AK5: variants seen among roughly 807,000 people sequenced by gnomAD.
The protein encoded by AK5 is adenylate kinase 5, also known as adenylate kinase isoenzyme 5.
AK5 carries 27 observed loss-of-function variants against 69.5 expected under a neutral mutation model. That is an observed-to-expected ratio of 0.39 (90% CI 0.29 to 0.54). AK5 has a LOEUF of 0.54. Ranked by LOEUF, AK5 falls within the 20% of genes least tolerant of loss-of-function variation. The probability of loss-of-function intolerance (pLI) is 0.71; values close to 1 mark genes in which losing one functional copy is unlikely to be tolerated. For missense variants in AK5, 531 were observed against 700.4 expected (o/e 0.76, Z 2.73); for synonymous variants, 260 against 244.4 (o/e 1.06, Z -0.60).
At chr1:77,344,151 T>C (rs1367549536) in intron 6 of AK5, among the ~76,000 whole-genome samples, 2 of 152,206 alleles carry the variant, frequency 1.3e-5, no homozygotes, top group Non-Finnish European at 2.9e-5. Flanking sequence ...CCAGTTTGAC[T>C]GAAAAGAAAG....
chr1:77,309,960 A>T (rs1659852100), intron 5 of AK5, among the ~76,000 whole-genome samples: 1 of 151,966 alleles, frequency 6.6e-6, no homozygotes, highest in African/African-American at 2.4e-5. Flanking sequence ...GAATTGGTGT[A>T]TTTTTCATTA....
At chr1:77,462,648 T>C (rs796836580) in intron 8 of AK5, among the ~76,000 whole-genome samples, 28 of 152,322 alleles carry the variant, frequency 1.8e-4, no homozygotes, top group African/African-American at 6.7e-4. Flanking sequence ...TTAATACACA[T>C]GCTTTCTCAC....
intron 6 of AK5, among the ~76,000 whole-genome samples, chr1:77,390,407 A>G (rs895001831): frequency 6.6e-5 from 10 of 152,222 alleles, no homozygotes; most frequent in Non-Finnish European, 1.3e-4. Flanking sequence ...TACTGCATAT[A>G]TGTTGGATGG....
At chr1:77,315,625 T>G (rs2100306645) in intron 5 of AK5, among the ~76,000 whole-genome samples, 1 of 152,238 alleles carries the variant, frequency 6.6e-6, no homozygotes, top group Non-Finnish European at 1.5e-5. Context: ...TGGATAGTGA[T>G]ACTTGATTTT....
chr1:77,406,704 G>GAAAAAA (rs752481198), intron 6 of AK5, among the ~76,000 whole-genome samples: 236 of 147,618 alleles, frequency 1.6e-3, no homozygotes, highest in African/African-American at 5.8e-3. Context: ...CTGATGCTGA[G>GAAAAAA]GAAAAAAAAA....
chr1:77,390,116 G>A (rs1207851006), intron 6 of AK5, among the ~76,000 whole-genome samples: 1 of 152,152 alleles, frequency 6.6e-6, no homozygotes, highest in Admixed American at 6.5e-5. Flanking sequence ...TTTGGTGAAG[G>A]ATCACCAGTT....
chr1:77,302,792 C>T (rs140863745), intron 5 of AK5, among the ~76,000 whole-genome samples: 1 of 152,224 alleles, frequency 6.6e-6, no homozygotes, highest in Non-Finnish European at 1.5e-5. Flanking sequence ...TGTTGCTAAA[C>T]GCAGCAAAGA....
At chr1:77,340,249 C>T in intron 5 of AK5, 128 bp from the exon 6 acceptor site, 1 of 859,678 alleles carries the variant, frequency 1.2e-6, no homozygotes, top group Non-Finnish European at 1.8e-6. Flanking sequence ...CCTGGAAATA[C>T]ACTGTCAAAA....
At chr1:77,439,235 G>A (rs577088145) in intron 8 of AK5, among the ~76,000 whole-genome samples, 15 of 152,136 alleles carry the variant, frequency 9.9e-5, no homozygotes, top group Non-Finnish European at 1.5e-4. Context: ...CATATTTAGG[G>A]AGGCAAAGGA....
At chr1:77,292,778 A>C (rs1233214322) in intron 2 of AK5, among the ~76,000 whole-genome samples, 1 of 152,140 alleles carries the variant, frequency 6.6e-6, no homozygotes, top group Non-Finnish European at 1.5e-5. Context: ...TGTCTTTCAA[A>C]GTTCAGGTCC....
intron 10 of AK5, among the ~76,000 whole-genome samples, chr1:77,511,004 T>G (rs1657317153): frequency 6.7e-6 from 1 of 149,420 alleles, no homozygotes; most frequent in African/African-American, 2.4e-5. Flanking sequence ...ATTATATATA[T>G]TTCTATTTTA....
intron 1 of AK5, 22 bp downstream of exon 1, chr1:77,282,395 G>C: frequency 1.3e-6 from 2 of 1,537,328 alleles, no homozygotes; most frequent in Non-Finnish European, 8.8e-7. Context: ...GCTGGCCGAC[G>C]GGCGGTAGCA....
At chr1:77,377,278 T>C (rs986832604) in intron 6 of AK5, among the ~76,000 whole-genome samples, 2 of 152,214 alleles carry the variant, frequency 1.3e-5, no homozygotes, top group African/African-American at 4.8e-5. Context: ...ATTTATAGTT[T>C]CTTCCCATCC....
chr1:77,464,919 T>C (rs1001767507), intron 8 of AK5, among the ~76,000 whole-genome samples: 1 of 152,084 alleles, frequency 6.6e-6, no homozygotes, highest in African/African-American at 2.4e-5. Flanking sequence ...AGAGCGAATA[T>C]CCAGTACCTT....
At chr1:77,450,249 G>A (rs528960020) in intron 8 of AK5, among the ~76,000 whole-genome samples, 1 of 152,184 alleles carries the variant, frequency 6.6e-6, no homozygotes, top group East Asian at 1.9e-4. Flanking sequence ...ACATTTTCCT[G>A]TCTTCTTCTG....
intron 6 of AK5, among the ~76,000 whole-genome samples, chr1:77,371,978 G>A (rs558197973): frequency 6.6e-6 from 1 of 152,198 alleles, no homozygotes; most frequent in Admixed American, 6.5e-5. Context: ...CCATGAAGGT[G>A]TGAGTTCATC....
At chr1:77,318,449 C>T (rs1660356811) in intron 5 of AK5, among the ~76,000 whole-genome samples, 1 of 152,130 alleles carries the variant, frequency 6.6e-6, no homozygotes. Context: ...TGGGTGGGGA[C>T]ATGATTCAAA....
chr1:77,367,877 A>ATTATATATCACATATGTTATATATATT (rs369372295), intron 6 of AK5, among the ~76,000 whole-genome samples: 3 of 14,210 alleles, frequency 2.1e-4, no homozygotes, highest in African/African-American at 6.9e-4. Context: ...TGTGATATAT[A>ATTATATATCACATATGTTATATATATT]ATATAAAATA....
intron 13 of AK5, among the ~76,000 whole-genome samples, chr1:77,548,582 C>G (rs1659657479): frequency 6.6e-6 from 1 of 152,148 alleles, no homozygotes; most frequent in Non-Finnish European, 1.5e-5. Context: ...CCCAGAGGTT[C>G]CATGGTGCCA....
Sources: allele counts gnomAD v4.1 joint callset (sites outside exome capture counted in the v4.1 genomes callset), GRCh38; gene constraint gnomAD v4.1.1; transcripts MANE v1.5; gene names NCBI Gene and HGNC (gene_info 2026-07-23, HGNC 2026-07-21).